The following ERC2 variants were observed in gnomAD, a reference collection of about 807,000 sequenced individuals.
ERC2 encodes ERC protein 2.
A neutral mutation model predicts 114.8 loss-of-function variants in ERC2; 42 were observed. The ratio of observed to expected loss-of-function variants is 0.37; its 90% CI spans 0.29 to 0.47. The LOEUF (loss-of-function observed/expected upper bound fraction) is 0.47. Ranked by LOEUF, ERC2 falls within the 20% of genes least tolerant of loss-of-function variation. ERC2 has a pLI of 0.99. For synonymous variants in ERC2, 454 were observed against 425.5 expected, an observed-to-expected ratio of 1.07 and a Z score of -0.82; for missense variants, 939 against 1,150.7, an observed-to-expected ratio of 0.82 and a Z score of 2.66.
intron 6 of ERC2, among the ~76,000 whole-genome samples, chr3:56,131,139 A>G (rs923570958): frequency 1.7e-4 from 26 of 152,102 alleles, no homozygotes; most frequent in Non-Finnish European, 3.8e-4. Context: ...CTGGTAATAA[A>G]CCATTTTGCA....
intron 3 of ERC2, among the ~76,000 whole-genome samples, chr3:56,180,122 G>A (rs146100414): frequency 7.2e-5 from 11 of 152,230 alleles, no homozygotes; most frequent in South Asian, 6.2e-4. Context: ...TAATGAGAGC[G>A]TGGCCATCAC....
chr3:56,105,151 C>T (rs1330444125), intron 6 of ERC2, among the ~76,000 whole-genome samples: 1 of 151,670 alleles, frequency 6.6e-6, no homozygotes, highest in African/African-American at 2.4e-5. Context: ...AGCCTGGAGG[C>T]CACAGGGTTG....
chr3:55,520,946 G>A lies in ERC2; in HGVS notation c.*40-9670C>T, dbSNP rs558275980. ...AAAGAGATGCCCCCTCCTAGAAAAG[G>A]AGCCAGAGAGAGGCATTCTGGAGAA... On this transcript the variant is annotated intron_variant, in intron 17 of 17. Transcript: ENST00000288221. Among the ~76,000 whole-genome samples the A allele has an allele frequency of 5.3e-5, 8 of 152,270 alleles. No homozygotes were observed. The South Asian group carries it at 1.7e-3, about 32-fold the overall frequency.
intron 3 of ERC2, among the ~76,000 whole-genome samples, chr3:56,224,751 C>T (rs985248567): frequency 6.6e-6 from 1 of 152,198 alleles, no homozygotes; most frequent in Non-Finnish European, 1.5e-5. Context: ...GACAACTGCA[C>T]ATTATTCTCT....
chr3:56,062,179 T>C (rs1472957974), intron 7 of ERC2, among the ~76,000 whole-genome samples: 1 of 152,202 alleles, frequency 6.6e-6, no homozygotes, highest in East Asian at 1.9e-4. Context: ...AAAAGAAGTA[T>C]AACATGGTAC....
intron 17 of ERC2, among the ~76,000 whole-genome samples, chr3:55,642,059 G>A (rs1384412526): frequency 1.3e-5 from 2 of 152,218 alleles, no homozygotes; most frequent in Non-Finnish European, 2.9e-5. Flanking sequence ...GACACTGTGT[G>A]CTGCACTAAC....
At chr3:55,573,685 T>C (rs1032441684) in intron 17 of ERC2, among the ~76,000 whole-genome samples, 3 of 152,110 alleles carry the variant, frequency 2.0e-5, no homozygotes, top group African/African-American at 7.2e-5. Flanking sequence ...GTCAGCTGCC[T>C]GGACCTTCCT....
chr3:55,937,041 C>T (rs1186976037), intron 13 of ERC2, among the ~76,000 whole-genome samples: 1 of 152,142 alleles, frequency 6.6e-6, no homozygotes, highest in Non-Finnish European at 1.5e-5. Flanking sequence ...AAAAACATCC[C>T]TTAGAAAAGC....
chr3:56,095,891 T>C (rs888487908), intron 6 of ERC2, among the ~76,000 whole-genome samples: 3 of 152,196 alleles, frequency 2.0e-5, no homozygotes, highest in African/African-American at 7.2e-5. Flanking sequence ...AGCATATTAA[T>C]ACATTGTAGG....
intron 12 of ERC2, among the ~76,000 whole-genome samples, chr3:55,954,466 CT>C (rs2067807445): frequency 1.3e-5 from 2 of 152,260 alleles, no homozygotes; most frequent in South Asian, 4.1e-4. Flanking sequence ...CTCTAACTTG[CT>C]GGTGAGAACG....
intron 13 of ERC2, among the ~76,000 whole-genome samples, chr3:55,902,504 G>T (rs538257503): frequency 6.6e-6 from 1 of 152,256 alleles, no homozygotes; most frequent in South Asian, 2.1e-4. Flanking sequence ...CGTACAAAGC[G>T]GCTGGTAAGG....
intron 1 of ERC2, among the ~76,000 whole-genome samples, chr3:56,447,530 T>C (rs2062634956): frequency 6.6e-6 from 1 of 152,182 alleles, no homozygotes. Context: ...TTGGATTTAA[T>C]TTGGACAAAT....
intron 10 of ERC2, among the ~76,000 whole-genome samples, chr3:55,994,549 A>G (rs1349885897): frequency 1.3e-5 from 2 of 148,640 alleles, no homozygotes; most frequent in Non-Finnish European, 3.0e-5. Flanking sequence ...TTTTATTATA[A>G]TTATTATTTC....
chr3:56,046,303 T>A (rs1335307626), intron 7 of ERC2, among the ~76,000 whole-genome samples: 1 of 152,190 alleles, frequency 6.6e-6, no homozygotes, highest in Non-Finnish European at 1.5e-5. Context: ...CATTATTCAC[T>A]GCCATTTAGG....
chr3:55,923,948 G>A (rs1201314115), intron 13 of ERC2, among the ~76,000 whole-genome samples: 1 of 152,114 alleles, frequency 6.6e-6, no homozygotes, highest in African/African-American at 2.4e-5. Flanking sequence ...ATTTGCTGTA[G>A]TGATCCAGGT....
At chr3:56,040,811 T>C (rs2075148099) in intron 7 of ERC2, among the ~76,000 whole-genome samples, 1 of 148,900 alleles carries the variant, frequency 6.7e-6, no homozygotes. Flanking sequence ...GAGAGATACA[T>C]ATAGATATAT....
At position 56,434,659 on chromosome 3, in the gene ERC2, A is replaced by G; in HGVS notation, c.349T>C (p.Tyr117His). 1 of 1,613,982 alleles carries G rather than the reference A, an allele frequency of 6.2e-7. No individual in the cohort carries two copies. Among genetic ancestry groups the G allele is most frequent in the Non-Finnish European group, 8.5e-7 (1 of 1,179,880 alleles). ...GTCAGCCCACCATGTTGATCTGTGT[A>G]TGAAAGGACATCTGTGTGGGAAAGT... ...AGLSHTDVLS[Y>H]TDQHGGLTGS... Residue 117 changes from tyrosine (Y) to histidine (H), a missense_variant, in exon 2 of 18, where the codon TAC becomes CAC. Around this residue, in one of 5 missense-constraint regions of ERC2, gnomAD observed 281 missense variants for 307.4 expected, o/e 0.91. Coordinates refer to ENST00000288221, the MANE Select transcript of ERC2 (RefSeq NM_015576.3).
At chr3:55,683,211 T>G (rs1487720415) in intron 17 of ERC2, among the ~76,000 whole-genome samples, 1 of 152,224 alleles carries the variant, frequency 6.6e-6, no homozygotes, top group Non-Finnish European at 1.5e-5. Context: ...TTTAAAGAGT[T>G]ACAGTTACCC....
intron 3 of ERC2, among the ~76,000 whole-genome samples, chr3:56,247,057 G>A (rs905594292): frequency 2.0e-5 from 3 of 152,238 alleles, no homozygotes; most frequent in African/African-American, 7.2e-5. Context: ...TAGAGTACCT[G>A]CAGGGTGCAG....
Sources: gnomAD v4.1 joint callset for allele counts (sites outside exome capture counted in the v4.1 genomes callset) on GRCh38, gnomAD v4.1.1 for gene constraint, gnomAD v4.1.1 regional missense constraint, MANE v1.5 for transcripts, NCBI Gene and HGNC (gene_info 2026-07-23, HGNC 2026-07-21) for gene names.